Variants in STT3B observed in about 807,000 individuals in gnomAD.
STT3B encodes STT3 oligosaccharyltransferase complex catalytic subunit B.
In STT3B, 29 loss-of-function variants were observed where a neutral mutation model predicts 96.8. That is an observed-to-expected ratio of 0.30 (90% CI 0.22 to 0.41). The LOEUF (loss-of-function observed/expected upper bound fraction) is 0.41, where lower values mean the gene tolerates loss of function less well. Ranked by LOEUF, STT3B falls within the 10% of genes least tolerant of loss-of-function variation. The probability of loss-of-function intolerance (pLI) is 1.00; values close to 1 mark genes in which losing one functional copy is unlikely to be tolerated. For synonymous variants in STT3B, 367 were observed against 360.0 expected, an observed-to-expected ratio of 1.02 and a Z score of -0.22; for missense variants, 640 against 1,022.3, an observed-to-expected ratio of 0.63 and a Z score of 5.10.
chr3:31,568,269 A>C (rs187571361), intron 1 of STT3B, among the ~76,000 whole-genome samples: 1 of 152,162 alleles, frequency 6.6e-6, no homozygotes, highest in Non-Finnish European at 1.5e-5. Flanking sequence ...CTGATGATAG[A>C]CACTTAGGTT....
rs1341681413 is a variant in STT3B at position 31,533,224 on chromosome 3, A to G, written c.226A>G (p.Ile76Val). 1.4e-6 allele frequency: 2 copies of G among 1,472,524 alleles called. No homozygotes were observed. The highest frequency in any genetic ancestry group is 2.4e-5 in the Admixed American group (1 of 42,438). 91.2% of individuals were successfully genotyped at this position (1,472,524 alleles called of 1,614,324 possible). A position where few individuals can be genotyped will look rare whatever the true frequency, so the allele number is the denominator to read the frequency against. ...AGWQSLLSFT[I>V]LFLAWLAGFS... ...GTGGCAGTCGCTTCTCTCCTTCACC[A>G]TCCTCTTCCTGGCCTGGCTTGCCGG... The change falls in exon 1 of 16, where the codon ATC (isoleucine) becomes GTC (valine). Residue 76 changes from isoleucine to valine, a missense_variant. Physicochemically the swap from Ile to Val is conservative, Grantham distance 29. Coordinates refer to ENST00000295770, the MANE Select transcript of STT3B (RefSeq NM_178862.3).
chr3:31,631,039 TG>T (rs1454659458), intron 14 of STT3B, among the ~76,000 whole-genome samples: 2 of 152,196 alleles, frequency 1.3e-5, no homozygotes, highest in Non-Finnish European at 2.9e-5. Flanking sequence ...GTGATCCCCC[TG>T]CCTTGGCCTC....
At chr3:31,611,262 A>G (rs1382296686) in intron 5 of STT3B, among the ~76,000 whole-genome samples, 1 of 152,152 alleles carries the variant, frequency 6.6e-6, no homozygotes, top group Non-Finnish European at 1.5e-5. Context: ...CAAATGTCAC[A>G]TGACCTTTCT....
rs375103969 is a variant in STT3B, at chr3:31,629,719, C to T, written c.2187+308C>T. 1.4e-4 allele frequency among the ~76,000 whole-genome samples: 22 copies of T among 152,284 alleles called. 1 individual carries two copies. In the East Asian group the frequency reaches 3.9e-3, roughly 27 times the overall value. ...AGTATTGTTCTCCAAGAAGAGTTCT[C>T]CTAGCTAGGAAACAGTGTGGTGTCT... On this transcript the variant is annotated intron_variant, in intron 14 of 15. Transcript: ENST00000295770.
intron 1 of STT3B, among the ~76,000 whole-genome samples, chr3:31,541,087 A>G (rs925078299): frequency 2.0e-5 from 3 of 152,264 alleles, no homozygotes; most frequent in African/African-American, 7.2e-5. Context: ...TTCTTTGAAA[A>G]TAAGTCTTAA....
chr3:31,560,379 G>A (rs938279751), intron 1 of STT3B, among the ~76,000 whole-genome samples: 4 of 151,970 alleles, frequency 2.6e-5, no homozygotes, highest in Non-Finnish European at 5.9e-5. Flanking sequence ...TGTTTTCATG[G>A]TAGTAGATAT....
chr3:31,588,728 A>G (rs752403713), intron 3 of STT3B, among the ~76,000 whole-genome samples: 9 of 151,644 alleles, frequency 5.9e-5, no homozygotes, highest in Non-Finnish European at 1.2e-4. Context: ...TTTTTTTTGT[A>G]TGTGGTTGTC....
intron 5 of STT3B, 88 bp from the exon 6 acceptor site, chr3:31,615,017 G>T (rs970344935): frequency 4.1e-5 from 28 of 687,190 alleles, no homozygotes; most frequent in African/African-American, 5.6e-5. Flanking sequence ...TTAATACTTT[G>T]CTAAAAACAG....
At chr3:31,632,515 G>A (rs914944725) in intron 14 of STT3B, among the ~76,000 whole-genome samples, 1 of 152,140 alleles carries the variant, frequency 6.6e-6, no homozygotes, top group African/African-American at 2.4e-5. Context: ...GGTGGTAAAG[G>A]AGCTAGCCAT....
At chr3:31,561,301 CATG>C (rs1697871536) in intron 1 of STT3B, among the ~76,000 whole-genome samples, 1 of 150,874 alleles carries the variant, frequency 6.6e-6, no homozygotes, top group Admixed American at 6.6e-5. Context: ...TTTATGGGTA[CATG>C]ATAAGTATGT....
At chr3:31,547,480 A>G (rs997411159) in intron 1 of STT3B, among the ~76,000 whole-genome samples, 1 of 152,116 alleles carries the variant, frequency 6.6e-6, no homozygotes, top group Non-Finnish European at 1.5e-5. Context: ...CCCCGTCTCT[A>G]CTAAAAATAC....
chr3:31,557,608 T>G (rs1697751370), intron 1 of STT3B, among the ~76,000 whole-genome samples: 1 of 151,066 alleles, frequency 6.6e-6, no homozygotes, highest in South Asian at 2.1e-4. Flanking sequence ...AATTTATTTC[T>G]AGGTATATAT....
At chr3:31,572,383 A>G (rs907811496) in intron 1 of STT3B, among the ~76,000 whole-genome samples, 1 of 151,626 alleles carries the variant, frequency 6.6e-6, no homozygotes, top group Non-Finnish European at 1.5e-5. Context: ...ACTTATCTCT[A>G]TGAGTCAAAA....
rs147934739 is a variant in STT3B at position 31,624,236 on chromosome 3, G to T, written c.1727+375G>T. ...TAACCATCCCCGTGCACTCTCCCCCGCCCCTGCCAGCCTCTGCCTTGTGCT... is the reference window on the plus strand; with the variant it reads ...TAACCATCCCCGTGCACTCTCCCCCTCCCCTGCCAGCCTCTGCCTTGTGCT... On this transcript the variant is annotated intron_variant, in intron 11 of 15. Transcript: ENST00000295770. 7.0e-3 allele frequency among the ~76,000 whole-genome samples: 1,070 copies of T among 152,026 alleles called. 12 individuals carry two copies. The highest frequency in any genetic ancestry group is 0.024 in the African/African-American group (988 of 41,466).
intron 13 of STT3B, among the ~76,000 whole-genome samples, chr3:31,626,680 G>A (rs1384462566): frequency 6.6e-6 from 1 of 152,122 alleles, no homozygotes; most frequent in Non-Finnish European, 1.5e-5. Flanking sequence ...TCTAGTTCTA[G>A]GATCTGGAAT....
intron 1 of STT3B, among the ~76,000 whole-genome samples, chr3:31,552,411 A>G (rs1697584059): frequency 6.6e-6 from 1 of 152,240 alleles, no homozygotes; most frequent in Non-Finnish European, 1.5e-5. Context: ...GTCAAGGAAC[A>G]TGATACAATG....
In STT3B at chr3:31,554,580, A is replaced by G. The variant is rs184507083; in HGVS notation, c.314+21268A>G. On this transcript the variant is annotated intron_variant, in intron 1 of 15. Coordinates refer to ENST00000295770, the MANE Select transcript of STT3B (RefSeq NM_178862.3). ...AAGGTGTAATTTCTCTGAAACTTTA[A>G]GAAGGTAACTCAGAGCAGATTTTTC... 1.4e-3 allele frequency among the ~76,000 whole-genome samples: 220 copies of G among 152,336 alleles called. 2 individuals are homozygous for G. Among genetic ancestry groups the G allele is most frequent in the Admixed American group, 3.8e-3 (58 of 15,304 alleles).
intron 9 of STT3B, 71 bp downstream of exon 9, chr3:31,619,901 A>C: frequency 6.5e-7 from 1 of 1,536,994 alleles, no homozygotes; most frequent in Non-Finnish European, 8.7e-7. Flanking sequence ...TTTACTTTAA[A>C]TTTTTGTTTT....
In STT3B at chr3:31,633,124, A is replaced by T; in HGVS notation, c.2377A>T (p.Lys793Ter). The change falls in exon 15 of 16, where the codon AAA becomes TAA. Residue 793 changes from lysine (K) to a stop codon, truncating the protein, a stop_gained. Transcript: ENST00000295770. LOFTEE classifies it high-confidence loss of function. ...HKPRVTNIFP[K>*]QKYLSKKTTK... ...ACCTCGAGTCACCAACATTTTCCCA[A>T]AACAGAAGTATTTGTCAAAGAAGGT... is the stretch of plus-strand genomic sequence containing the variant. 1 of 1,613,910 alleles carries T rather than the reference A, an allele frequency of 6.2e-7. No individual in the cohort carries two copies. The highest frequency in any genetic ancestry group is 2.2e-5 in the East Asian group (1 of 44,844).
Sources: allele counts gnomAD v4.1 joint callset (sites outside exome capture counted in the v4.1 genomes callset), GRCh38; gene constraint gnomAD v4.1.1; transcripts MANE v1.5; gene names NCBI Gene and HGNC (gene_info 2026-07-23, HGNC 2026-07-21).